Variants in CADPS2 observed in about 807,000 individuals in gnomAD.
The protein encoded by CADPS2 is calcium dependent secretion activator 2.
Under a neutral mutation model 172.5 loss-of-function variants are expected in CADPS2, and 93 were observed. The ratio of observed to expected loss-of-function variants is 0.54; its 90% CI spans 0.46 to 0.64. The LOEUF (loss-of-function observed/expected upper bound fraction) is 0.64, where lower values mean the gene tolerates loss of function less well. CADPS2 is among the 30% of genes least tolerant of loss of function. The pLI, the probability that CADPS2 is intolerant of heterozygous loss-of-function variation, is 0.00. For synonymous variants in CADPS2, 546 were observed against 555.2 expected, an observed-to-expected ratio of 0.98 and a Z score of 0.23; for missense variants, 1,420 against 1,565.9, an observed-to-expected ratio of 0.91 and a Z score of 1.57.
intron 17 of CADPS2, among the ~76,000 whole-genome samples, chr7:122,436,147 T>A (rs968727209): frequency 6.6e-5 from 10 of 152,164 alleles, no homozygotes; most frequent in African/African-American, 2.2e-4. Context: ...TTAATAATAA[T>A]AAAGAGGGCA....
intron 1 of CADPS2, among the ~76,000 whole-genome samples, chr7:122,817,597 C>T (rs934467186): frequency 6.6e-6 from 1 of 152,102 alleles, no homozygotes; most frequent in East Asian, 1.9e-4. Context: ...CCCAGGGATG[C>T]CTGCCTTGGT....
intron 1 of CADPS2, among the ~76,000 whole-genome samples, chr7:122,830,199 C>A (rs1291229045): frequency 2.0e-5 from 3 of 152,238 alleles, no homozygotes; most frequent in South Asian, 2.1e-4. Context: ...CACCACAATG[C>A]AGAGAGACTT....
rs151061374 is a variant in CADPS2, at chr7:122,733,824, C to T, written c.453+3131G>A. ...AGTGGACCTGACTGGGAACCTAGTG[C>T]AAAATCTTTCACTATAAAATCAGAG... On this transcript the variant is annotated intron_variant, in intron 2 of 29. Coordinates refer to ENST00000449022, the MANE Select transcript of CADPS2 (RefSeq NM_017954.11). Among the ~76,000 whole-genome samples, 147 of 152,126 alleles carry T rather than the reference C, an allele frequency of 9.7e-4. 1 individual carries two copies. The highest frequency in any genetic ancestry group is 1.7e-3 in the Non-Finnish European group (116 of 67,988).
At chr7:122,778,756 T>A (rs997637842) in intron 1 of CADPS2, among the ~76,000 whole-genome samples, 1 of 152,204 alleles carries the variant, frequency 6.6e-6, no homozygotes, top group Non-Finnish European at 1.5e-5. Context: ...GAATTGAGGT[T>A]TGGGACTTTT....
intron 2 of CADPS2, among the ~76,000 whole-genome samples, chr7:122,709,881 G>A (rs1450878556): frequency 6.6e-6 from 1 of 151,774 alleles, no homozygotes; most frequent in Admixed American, 6.6e-5. Context: ...CACAGGAAGG[G>A]GAACATCACA....
intron 2 of CADPS2, among the ~76,000 whole-genome samples, chr7:122,732,790 ATATACAT>A (rs1399432907): frequency 3.5e-5 from 5 of 142,702 alleles, no homozygotes; most frequent in Admixed American, 2.2e-4. Flanking sequence ...TATATAATAT[ATATACAT>A]TATATATTAT....
chr7:122,657,357 T>C (rs1234177014), intron 3 of CADPS2, among the ~76,000 whole-genome samples: 5 of 152,180 alleles, frequency 3.3e-5, no homozygotes, highest in Admixed American at 3.3e-4. Context: ...AAGTCATTGG[T>C]AGCTTGATGG....
intron 8 of CADPS2, among the ~76,000 whole-genome samples, chr7:122,524,957 G>A (rs983150509): frequency 6.6e-6 from 1 of 151,982 alleles, no homozygotes; most frequent in African/African-American, 2.4e-5. Context: ...AGACCAGCCT[G>A]GGCAACATGG....
At chr7:122,711,889 G>A (rs993133993) in intron 2 of CADPS2, among the ~76,000 whole-genome samples, 14 of 152,130 alleles carry the variant, frequency 9.2e-5, no homozygotes, top group Admixed American at 8.5e-4. Flanking sequence ...CTGACCTTGT[G>A]ATCCACCTGC....
intron 3 of CADPS2, among the ~76,000 whole-genome samples, chr7:122,650,606 GAC>G (rs2079053693): frequency 6.6e-6 from 1 of 152,058 alleles, no homozygotes; most frequent in Non-Finnish European, 1.5e-5. Flanking sequence ...AGAAAGCAAA[GAC>G]AAATTCAACA....
intron 2 of CADPS2, among the ~76,000 whole-genome samples, chr7:122,732,914 T>G (rs1359211976): frequency 6.8e-6 from 1 of 146,628 alleles, no homozygotes; most frequent in East Asian, 1.9e-4. Context: ...ATACATTATA[T>G]ATTATGTATA....
At chr7:122,804,657 A>G (rs1308809034) in intron 1 of CADPS2, among the ~76,000 whole-genome samples, 2 of 152,208 alleles carry the variant, frequency 1.3e-5, no homozygotes, top group African/African-American at 4.8e-5. Flanking sequence ...TATACTCAAT[A>G]TTGTGATACA....
At chr7:122,374,943 A>T (rs2042178435) in intron 25 of CADPS2, among the ~76,000 whole-genome samples, 1 of 152,184 alleles carries the variant, frequency 6.6e-6, no homozygotes, top group East Asian at 1.9e-4. Flanking sequence ...AAACAATCTC[A>T]TCTACAATAG....
intron 1 of CADPS2, among the ~76,000 whole-genome samples, chr7:122,762,257 A>G (rs889247411): frequency 6.6e-6 from 1 of 152,076 alleles, no homozygotes; most frequent in African/African-American, 2.4e-5. Context: ...TCAGAGAACA[A>G]GCTGGGCGGC....
chr7:122,540,610 C>A (rs1223455576), intron 8 of CADPS2, among the ~76,000 whole-genome samples: 2 of 152,076 alleles, frequency 1.3e-5, no homozygotes, highest in Non-Finnish European at 2.9e-5. Flanking sequence ...TTGCTTCTCT[C>A]AGCAATTAAA....
At chr7:122,858,995 C>A (rs575725577) in intron 1 of CADPS2, among the ~76,000 whole-genome samples, 1 of 152,110 alleles carries the variant, frequency 6.6e-6, no homozygotes, top group Non-Finnish European at 1.5e-5. Context: ...GGCCTGAGGG[C>A]CAGGCATATA....
intron 28 of CADPS2, among the ~76,000 whole-genome samples, chr7:122,345,017 A>G (rs761966939): frequency 2.0e-5 from 3 of 152,184 alleles, no homozygotes; most frequent in Non-Finnish European, 4.4e-5. Flanking sequence ...GGTCACCAAG[A>G]CAAAAAACTG....
At chr7:122,772,641 C>CA (rs951595886) in intron 1 of CADPS2, among the ~76,000 whole-genome samples, 15 of 151,116 alleles carry the variant, frequency 9.9e-5, no homozygotes, top group Admixed American at 1.3e-4. Context: ...AACTAAAATA[C>CA]AAAAAAAAGG....
intron 25 of CADPS2, among the ~76,000 whole-genome samples, chr7:122,372,655 G>T (rs1045710672): frequency 6.6e-6 from 1 of 152,196 alleles, no homozygotes; most frequent in Admixed American, 6.5e-5. Flanking sequence ...AAATATCTGG[G>T]ATACGAGAAA....
Sources: allele counts gnomAD v4.1 joint callset (sites outside exome capture counted in the v4.1 genomes callset), GRCh38; gene constraint gnomAD v4.1.1; transcripts MANE v1.5; gene names NCBI Gene and HGNC (gene_info 2026-07-23, HGNC 2026-07-21).